Variants in EDIL3 observed in about 807,000 individuals in gnomAD.
EDIL3 encodes EGF like and discoidin domains 3.
In EDIL3, 37 loss-of-function variants were observed where a neutral mutation model predicts 67.4. That is an observed-to-expected ratio of 0.55 (90% CI 0.42 to 0.72). The LOEUF (loss-of-function observed/expected upper bound fraction) is 0.72, where lower values mean the gene tolerates loss of function less well. EDIL3 is among the 30% of genes least tolerant of loss of function. The probability of loss-of-function intolerance (pLI) is 0.00; values close to 1 mark genes in which losing one functional copy is unlikely to be tolerated. For missense variants in EDIL3, 527 were observed against 586.3 expected (o/e 0.90, Z 1.04); for synonymous variants, 195 against 196.3 (o/e 0.99, Z 0.05).
chr5:84,118,867 G>C (rs1256044097), intron 5 of EDIL3, among the ~76,000 whole-genome samples: 1 of 152,068 alleles, frequency 6.6e-6, no homozygotes, highest in Non-Finnish European at 1.5e-5. Flanking sequence ...AGAATGCCTT[G>C]GGGTACGAGC....
At chr5:84,263,139 C>A (rs1456726428) in intron 1 of EDIL3, among the ~76,000 whole-genome samples, 1 of 152,068 alleles carries the variant, frequency 6.6e-6, no homozygotes, top group Non-Finnish European at 1.5e-5. Context: ...CAAAAAGACA[C>A]AAATAAGTTG....
intron 9 of EDIL3, among the ~76,000 whole-genome samples, chr5:83,993,447 T>C (rs1485027524): frequency 2.0e-5 from 3 of 152,198 alleles, no homozygotes; most frequent in Non-Finnish European, 4.4e-5. Context: ...ACTTAAAAAA[T>C]CAAAGTATTT....
At chr5:84,236,493 A>G (rs757895820) in intron 2 of EDIL3, among the ~76,000 whole-genome samples, 1 of 152,074 alleles carries the variant, frequency 6.6e-6, no homozygotes, top group Non-Finnish European at 1.5e-5. Flanking sequence ...ATCCTTGTCG[A>G]CTGAATTCAA....
intron 1 of EDIL3, among the ~76,000 whole-genome samples, chr5:84,273,455 C>T (rs1449277815): frequency 2.6e-5 from 4 of 152,122 alleles, no homozygotes; most frequent in Non-Finnish European, 5.9e-5. Flanking sequence ...ATGTTTTGCT[C>T]CCACGTGTAA....
At chr5:84,121,233 A>C (rs1425220461) in intron 5 of EDIL3, among the ~76,000 whole-genome samples, 2 of 151,986 alleles carry the variant, frequency 1.3e-5, no homozygotes, top group African/African-American at 2.4e-5. Context: ...AAATCAAAAT[A>C]CTGATAACTA....
chr5:84,148,224 T>C (rs1271034987), intron 4 of EDIL3, among the ~76,000 whole-genome samples: 1 of 152,104 alleles, frequency 6.6e-6, no homozygotes, highest in African/African-American at 2.4e-5. Flanking sequence ...TGGAGGAAAA[T>C]ATAGGTGAAT....
chr5:84,206,678 C>A (rs1314259866), intron 3 of EDIL3, among the ~76,000 whole-genome samples: 1 of 151,990 alleles, frequency 6.6e-6, no homozygotes, highest in African/African-American at 2.4e-5. Context: ...TCCAGCAGCA[C>A]ATCAAAAAGT....
intron 2 of EDIL3, among the ~76,000 whole-genome samples, chr5:84,244,642 A>G (rs908487158): frequency 6.6e-6 from 1 of 152,118 alleles, no homozygotes; most frequent in African/African-American, 2.4e-5. Flanking sequence ...TCTTCATTCT[A>G]TCTTCTGTGT....
chr5:84,150,460 TA>T, intron 4 of EDIL3, among the ~76,000 whole-genome samples: 1 of 152,016 alleles, frequency 6.6e-6, no homozygotes, highest in Admixed American at 6.6e-5. Flanking sequence ...AATAATTCAA[TA>T]AAAAGTGGGA....
intron 6 of EDIL3, among the ~76,000 whole-genome samples, chr5:84,085,589 GCT>G (rs370361915): frequency 2.0e-3 from 298 of 152,288 alleles, no homozygotes; most frequent in African/African-American, 7.0e-3. Flanking sequence ...GCCAGCCAGA[GCT>G]CTCCTGTATG....
intron 1 of EDIL3, among the ~76,000 whole-genome samples, chr5:84,329,193 C>G (rs559601360): frequency 6.6e-6 from 1 of 152,142 alleles, no homozygotes; most frequent in African/African-American, 2.4e-5. Flanking sequence ...TTTTCATCTT[C>G]TATTGCAATT....
At chr5:84,258,342 G>C (rs1446507675) in intron 1 of EDIL3, among the ~76,000 whole-genome samples, 2 of 152,316 alleles carry the variant, frequency 1.3e-5, no homozygotes, top group Admixed American at 1.3e-4. Flanking sequence ...AAAGACATGA[G>C]GGTGGGGATG....
chr5:84,003,881 G>A (rs760624784), intron 9 of EDIL3, among the ~76,000 whole-genome samples: 35 of 151,974 alleles, frequency 2.3e-4, no homozygotes, highest in Admixed American at 9.2e-4. Flanking sequence ...AGAATGGCAA[G>A]TTGGATAAAG....
chr5:84,066,381 T>G (rs1428097298), intron 7 of EDIL3, 70 bp downstream of exon 7: 1 of 1,477,280 alleles, frequency 6.8e-7, no homozygotes, highest in East Asian at 2.5e-5. Flanking sequence ...CCTGAAGACC[T>G]TGTCATTTGA....
intron 6 of EDIL3, among the ~76,000 whole-genome samples, chr5:84,097,641 G>A (rs1034565355): frequency 6.6e-6 from 1 of 152,040 alleles, no homozygotes; most frequent in Non-Finnish European, 1.5e-5. Context: ...TGGATAGAGT[G>A]TAGAGTACAC....
chr5:84,339,173 A>T (rs182716447), intron 1 of EDIL3, among the ~76,000 whole-genome samples: 2 of 152,032 alleles, frequency 1.3e-5, no homozygotes, highest in Admixed American at 6.6e-5. Flanking sequence ...TCCTTCTGTC[A>T]CTCTTCACCT....
At chr5:84,340,167 A>C (rs1376864998) in intron 1 of EDIL3, among the ~76,000 whole-genome samples, 2 of 151,934 alleles carry the variant, frequency 1.3e-5, no homozygotes, top group Admixed American at 1.3e-4. Flanking sequence ...TCCAATTCTA[A>C]AGTAAATTAT....
chr5:84,117,172 C>T (rs892939134), intron 5 of EDIL3, among the ~76,000 whole-genome samples: 1 of 151,652 alleles, frequency 6.6e-6, no homozygotes, highest in African/African-American at 2.4e-5. Context: ...GGACTACAGG[C>T]GCCCACCATC....
chr5:84,148,972 C>CA (rs60662947), intron 4 of EDIL3, among the ~76,000 whole-genome samples: 2,407 of 87,006 alleles, frequency 0.028, 44 homozygotes, highest in African/African-American at 0.082. Context: ...ACAAAAACGA[C>CA]AAAAAAAAAA....
Sources: gnomAD v4.1 joint callset for allele counts (sites outside exome capture counted in the v4.1 genomes callset) on GRCh38, gnomAD v4.1.1 for gene constraint, MANE v1.5 for transcripts, NCBI Gene and HGNC (gene_info 2026-07-23, HGNC 2026-07-21) for gene names.